The following ZNF521 variants were observed in gnomAD, a reference collection of about 807,000 sequenced individuals.
ZNF521 encodes the protein zinc finger protein 521.
ZNF521 carries 14 observed loss-of-function variants against 105.5 expected under a neutral mutation model. The ratio of observed to expected loss-of-function variants is 0.13; its 90% CI spans 0.09 to 0.21. The LOEUF is 0.21. Among genes scored for constraint, ZNF521 ranks in the 10% least tolerant of loss-of-function variants. The pLI is 1.00. For missense variants in ZNF521, 1,233 were observed against 1,629.7 expected (o/e 0.76, Z 4.19); for synonymous variants, 635 against 606.0 (o/e 1.05, Z -0.70).
At chr18:25,103,440 T>G (rs902323440) in intron 5 of ZNF521, among the ~76,000 whole-genome samples, 1 of 152,126 alleles carries the variant, frequency 6.6e-6, no homozygotes, top group African/African-American at 2.4e-5. Context: ...CCTGGATCAT[T>G]CCCCGATATA....
At chr18:25,120,593 A>AAAAC (rs72366583) in intron 5 of ZNF521, among the ~76,000 whole-genome samples, 24,122 of 108,064 alleles carry the variant, frequency 0.22, 2,088 homozygotes, top group Middle Eastern at 0.33. Context: ...AAAAAAAAAA[A>AAAAC]AAAAAAAAAC....
chr18:25,210,009 T>C (rs1006971162), intron 4 of ZNF521, among the ~76,000 whole-genome samples: 16 of 152,202 alleles, frequency 1.1e-4, no homozygotes, highest in African/African-American at 3.4e-4. Context: ...TAAGCTATAG[T>C]TCTAGCATTA....
At chr18:25,244,432 C>T (rs1907565745) in intron 3 of ZNF521, among the ~76,000 whole-genome samples, 1 of 152,158 alleles carries the variant, frequency 6.6e-6, no homozygotes, top group African/African-American at 2.4e-5. Context: ...CTCACAGAGA[C>T]TCTGACCACT....
At chr18:25,287,509 A>G (rs1036647687) in intron 3 of ZNF521, among the ~76,000 whole-genome samples, 2 of 152,170 alleles carry the variant, frequency 1.3e-5, no homozygotes, top group African/African-American at 4.8e-5. Flanking sequence ...CGGTGTGACA[A>G]ATCAAGAGTT....
intron 2 of ZNF521, among the ~76,000 whole-genome samples, chr18:25,349,676 G>T (rs1253792807): frequency 1.3e-5 from 2 of 151,790 alleles, no homozygotes; most frequent in Non-Finnish European, 2.9e-5. Context: ...AGCTGGTGCG[G>T]GAACCGGGGC....
At chr18:25,167,227 T>C (rs2035359401) in intron 5 of ZNF521, among the ~76,000 whole-genome samples, 1 of 152,198 alleles carries the variant, frequency 6.6e-6, no homozygotes, top group Non-Finnish European at 1.5e-5. Flanking sequence ...TTTTTACAGA[T>C]TCACATTCAC....
At chr18:25,129,372 C>A (rs1434156323) in intron 5 of ZNF521, among the ~76,000 whole-genome samples, 2 of 151,024 alleles carry the variant, frequency 1.3e-5, no homozygotes, top group Admixed American at 1.3e-4. Context: ...ATGTAAAGTA[C>A]AAAATCAAAA....
intron 2 of ZNF521, among the ~76,000 whole-genome samples, chr18:25,336,032 AAAG>A (rs1913861250): frequency 6.6e-6 from 1 of 152,208 alleles, no homozygotes; most frequent in African/African-American, 2.4e-5. Context: ...CAGAAAGAAT[AAAG>A]AAGAAACCAA....
At chr18:25,105,345 T>C (rs2034050494) in intron 5 of ZNF521, among the ~76,000 whole-genome samples, 1 of 152,172 alleles carries the variant, frequency 6.6e-6, no homozygotes, top group Non-Finnish European at 1.5e-5. Context: ...GGTCTAAATA[T>C]GATCTCATCT....
At chr18:25,350,101 A>G (rs953635233) in intron 2 of ZNF521, among the ~76,000 whole-genome samples, 7 of 152,004 alleles carry the variant, frequency 4.6e-5, no homozygotes, top group Non-Finnish European at 8.8e-5. Context: ...CATCAGATCG[A>G]TAACTTCAGG....
chr18:25,166,657 G>T (rs1011362054), intron 5 of ZNF521, among the ~76,000 whole-genome samples: 1 of 152,116 alleles, frequency 6.6e-6, no homozygotes, highest in Non-Finnish European at 1.5e-5. Context: ...CTTTTCCTAT[G>T]TAGGAACATA....
chr18:25,269,077 G>A (rs567377678), intron 3 of ZNF521, among the ~76,000 whole-genome samples: 1 of 149,994 alleles, frequency 6.7e-6, no homozygotes, highest in East Asian at 2.0e-4. Flanking sequence ...ATAAAGGGAT[G>A]GAGGAATATT....
chr18:25,078,456 G>A lies in ZNF521; in HGVS notation c.3906+11009C>T, dbSNP rs138889211. ...TTTTCCTTTGCAGGATGAACGAGAC[G>A]ATGTGACTAATGCCACCCAAACATC... is the stretch of plus-strand genomic sequence containing the variant. On this transcript the variant is annotated intron_variant, in intron 7 of 7. Transcript: ENST00000361524. 3.6e-3 allele frequency among the ~76,000 whole-genome samples: 543 copies of A among 152,246 alleles called. 3 individuals carry two copies. Among genetic ancestry groups the A allele is most frequent in the South Asian group, 6.6e-3 (32 of 4,824 alleles).
intron 5 of ZNF521, among the ~76,000 whole-genome samples, chr18:25,112,808 T>C (rs2034219424): frequency 6.6e-6 from 1 of 152,132 alleles, no homozygotes; most frequent in Non-Finnish European, 1.5e-5. Flanking sequence ...GACAGACCAG[T>C]AAACACAATT....
chr18:25,152,484 A>C (rs527634338), intron 5 of ZNF521, among the ~76,000 whole-genome samples: 1 of 152,020 alleles, frequency 6.6e-6, no homozygotes, highest in Non-Finnish European at 1.5e-5. Context: ...GTCTCAAAAA[A>C]AAAAAAGAAA....
Position 25,227,583 on chromosome 18 carries a change from CCTT to C in ZNF521, c.332_334del (p.Glu111del). On this transcript the variant is annotated inframe_deletion, in exon 4 of 8. Transcript: ENST00000361524. This position sits in a 1 kb window ranked among gnomAD's most constrained non-coding sequence, Gnocchi z 5.7. ...ACACGGGTATGGAAGCCCAGGGCCA[CCTT>C]CTTCCTCTCCAAAATCGCAACCTTC... is the stretch of plus-strand genomic sequence containing the variant. 6 of 1,614,114 alleles carry C rather than the reference CCTT, an allele frequency of 3.7e-6. No individual in the cohort carries two copies. The highest frequency in any genetic ancestry group is 4.2e-6 in the Non-Finnish European group (5 of 1,179,996).
At chr18:25,271,823 T>C (rs996001552) in intron 3 of ZNF521, among the ~76,000 whole-genome samples, 4 of 152,102 alleles carry the variant, frequency 2.6e-5, no homozygotes, top group Admixed American at 1.3e-4. Context: ...GAAGAAAACC[T>C]AGGCAATACC....
chr18:25,156,986 G>A (rs1185148332), intron 5 of ZNF521, among the ~76,000 whole-genome samples: 2 of 152,058 alleles, frequency 1.3e-5, no homozygotes, highest in Non-Finnish European at 2.9e-5. Context: ...ATCACTTGAG[G>A]CCAGGAGTTC....
intron 5 of ZNF521, among the ~76,000 whole-genome samples, chr18:25,156,320 T>A (rs1383344673): frequency 6.6e-6 from 1 of 152,228 alleles, no homozygotes; most frequent in Admixed American, 6.5e-5. Flanking sequence ...CCCATCAGCA[T>A]CCATTTCTAT....
Sources: allele counts gnomAD v4.1 joint callset (sites outside exome capture counted in the v4.1 genomes callset), GRCh38; gene constraint gnomAD v4.1.1; non-coding constraint Gnocchi (gnomAD v3.1); transcripts MANE v1.5; gene names NCBI Gene and HGNC (gene_info 2026-07-23, HGNC 2026-07-21).